The following ARPP21 variants were observed in gnomAD, a reference collection of about 807,000 sequenced individuals.
The protein encoded by ARPP21 is cAMP-regulated phosphoprotein 21.
A neutral mutation model predicts 113.2 loss-of-function variants in ARPP21; 69 were observed. The observed-to-expected ratio is 0.61, with a 90% CI of 0.50 to 0.74. ARPP21 has a LOEUF of 0.74. Ranked by LOEUF, ARPP21 falls within the 30% of genes least tolerant of loss-of-function variation. The pLI is 0.00. For missense variants in ARPP21, 1,070 were observed against 1,037.4 expected (o/e 1.03, Z -0.43); for synonymous variants, 368 against 375.5 (o/e 0.98, Z 0.23).
At chr3:35,708,053 G>A (rs905099846) in intron 10 of ARPP21, among the ~76,000 whole-genome samples, 3 of 151,980 alleles carry the variant, frequency 2.0e-5, no homozygotes, top group African/African-American at 7.3e-5. Context: ...CAGCCAGTAT[G>A]TGCATCTCTG....
chr3:35,729,244 T>C, intron 14 of ARPP21, 59 bp from the exon 15 acceptor site: 1 of 1,197,202 alleles, frequency 8.4e-7, no homozygotes, highest in Non-Finnish European at 1.2e-6. Flanking sequence ...TAGACTCAGA[T>C]TGGTGCTTTC....
rs147368744 is a variant in ARPP21 at position 35,762,526 on chromosome 3, T to C, written c.2137+18561T>C. 3.2e-4 allele frequency among the ~76,000 whole-genome samples: 49 copies of C among 152,200 alleles called. No homozygotes were observed. The East Asian group carries it at 8.9e-3, about 28-fold the overall frequency. On this transcript the variant is annotated intron_variant, in intron 19 of 20. Transcript: ENST00000684406. ...TTCTTTTATTACAATGATCTACTTA[T>C]TTCTGATAAATATTGGATTCATAGA...
intron 19 of ARPP21, among the ~76,000 whole-genome samples, chr3:35,764,980 T>A (rs1459090800): frequency 1.3e-5 from 2 of 152,246 alleles, no homozygotes; most frequent in East Asian, 3.9e-4. Flanking sequence ...AATGTGAAGT[T>A]ATAACATCAG....
intron 1 of ARPP21, among the ~76,000 whole-genome samples, chr3:35,652,812 T>TG (rs1383473589): frequency 6.6e-6 from 1 of 152,076 alleles, no homozygotes; most frequent in Non-Finnish European, 1.5e-5. Flanking sequence ...GGAGGAAATC[T>TG]GTACTTATTT....
Position 35,721,731 on chromosome 3 carries a change from A to G in ARPP21, c.1122A>G (p.Leu374=), listed in dbSNP as rs780517740. Residue 374 remains leucine, a synonymous_variant, in exon 14 of 21, where the codon CTA becomes CTG. Transcript: ENST00000684406. ...ACTCCGACAGTTCCAACCGCAATCT[A>G]AAGCCCGCCATGACCAAGACGGCGA... The part of the protein sequence containing the change: ...STDSDSSNRN[L]KPAMTKTASF... 1 of 1,613,936 alleles carries G rather than the reference A, an allele frequency of 6.2e-7. No individual in the cohort carries two copies. Among genetic ancestry groups the G allele is most frequent in the South Asian group, 1.1e-5 (1 of 91,032 alleles).
intron 19 of ARPP21, among the ~76,000 whole-genome samples, chr3:35,763,887 G>A (rs1309166142): frequency 6.6e-6 from 1 of 152,012 alleles, no homozygotes; most frequent in Non-Finnish European, 1.5e-5. Flanking sequence ...TTTCAGGCCG[G>A]GCATGGTAGC....
chr3:35,682,658 T>A (rs1373839186), intron 3 of ARPP21, among the ~76,000 whole-genome samples, 190 bp from the exon 4 acceptor site: 2 of 151,768 alleles, frequency 1.3e-5, no homozygotes, highest in Non-Finnish European at 2.9e-5. Context: ...GTCAAAAGTT[T>A]TTTAAAGCTA....
chr3:35,756,234 G>C (rs1283026465), intron 19 of ARPP21, among the ~76,000 whole-genome samples: 1 of 152,034 alleles, frequency 6.6e-6, no homozygotes, highest in African/African-American at 2.4e-5. Context: ...ACCTAGGAAG[G>C]CTACAATACT....
intron 19 of ARPP21, among the ~76,000 whole-genome samples, chr3:35,778,285 T>G (rs1220622939): frequency 6.6e-6 from 1 of 152,124 alleles, no homozygotes; most frequent in Admixed American, 6.6e-5. Flanking sequence ...TCTATCCATC[T>G]CTCCTGACCC....
At chr3:35,748,261 GGAGA>G in intron 19 of ARPP21, among the ~76,000 whole-genome samples, 1 of 123,480 alleles carries the variant, frequency 8.1e-6, no homozygotes, top group East Asian at 2.5e-4. Flanking sequence ...GAAAGAGAAA[GGAGA>G]GAGAGAAAGA....
intron 13 of ARPP21, among the ~76,000 whole-genome samples, chr3:35,720,688 A>G (rs1364476943): frequency 1.3e-5 from 2 of 152,216 alleles, no homozygotes; most frequent in Non-Finnish European, 2.9e-5. Context: ...CTTTAGACAG[A>G]TTGGAAACCA....
intron 19 of ARPP21, among the ~76,000 whole-genome samples, chr3:35,762,051 C>A (rs925169250): frequency 2.0e-5 from 3 of 151,460 alleles, no homozygotes; most frequent in Admixed American, 1.3e-4. Flanking sequence ...TATCCCTCAA[C>A]ACCAAGGTCA....
At chr3:35,647,546 G>T (rs372049364) in intron 1 of ARPP21, among the ~76,000 whole-genome samples, 2 of 152,244 alleles carry the variant, frequency 1.3e-5, no homozygotes, top group East Asian at 3.9e-4. Flanking sequence ...AGATTCTACA[G>T]GTTAGAGAAA....
chr3:35,729,689 C>G (rs547174456), intron 15 of ARPP21, 153 bp downstream of exon 15: 30 of 639,550 alleles, frequency 4.7e-5, no homozygotes, highest in African/African-American at 4.6e-4. Flanking sequence ...TTAGAAAGAG[C>G]AGATTTACAG....
At chr3:35,754,501 G>A (rs1422767902) in intron 19 of ARPP21, among the ~76,000 whole-genome samples, 3 of 151,858 alleles carry the variant, frequency 2.0e-5, no homozygotes, top group Admixed American at 2.0e-4. Context: ...GAAAATATTA[G>A]TTTGAAAAAA....
rs927616372 is a variant in ARPP21, at chr3:35,757,358, C to G, written c.2137+13393C>G. Among the ~76,000 whole-genome samples the G allele has an allele frequency of 2.0e-5, 3 of 152,154 alleles. No individual in the cohort carries two copies. In the East Asian group the frequency reaches 5.8e-4, roughly 29 times the overall value. On this transcript the variant is annotated intron_variant, in intron 19 of 20. Coordinates refer to ENST00000684406, the MANE Select transcript of ARPP21 (RefSeq NM_001385562.1). Reference sequence around the variant, plus strand: ...GGTTACAGGAGTGAGCCACCACACCCAGACCCCTTCAATGAATCTTGATGA... The same window carrying G: ...GGTTACAGGAGTGAGCCACCACACCGAGACCCCTTCAATGAATCTTGATGA...
chr3:35,665,710 C>T (rs1024475208), intron 1 of ARPP21, among the ~76,000 whole-genome samples: 2 of 152,150 alleles, frequency 1.3e-5, no homozygotes, highest in Admixed American at 1.3e-4. Context: ...TTCAAAAGCA[C>T]AGCTGCAGAT....
chr3:35,780,458 C>T (rs2096495685), intron 19 of ARPP21, among the ~76,000 whole-genome samples: 1 of 152,082 alleles, frequency 6.6e-6, no homozygotes, highest in Non-Finnish European at 1.5e-5. Flanking sequence ...ATTAGCCTAT[C>T]CTGACACCTT....
rs1041094187 is a variant in ARPP21 at position 35,698,005 on chromosome 3, A to T, written c.686+7000A>T. On this transcript the variant is annotated intron_variant, in intron 9 of 20. Coordinates refer to ENST00000684406, the MANE Select transcript of ARPP21 (RefSeq NM_001385562.1). ...GGTTGGTTGGCATCCTGTCATTTCT[A>T]AACATGGTAAATTTACTCTGCACTT... 9.2e-5 allele frequency among the ~76,000 whole-genome samples: 14 copies of T among 151,668 alleles called. No homozygotes were observed. In the South Asian group the frequency reaches 2.9e-3, roughly 31 times the overall value.
Sources: gnomAD v4.1 joint callset for allele counts (sites outside exome capture counted in the v4.1 genomes callset) on GRCh38, gnomAD v4.1.1 for gene constraint, MANE v1.5 for transcripts, NCBI Gene and HGNC (gene_info 2026-07-23, HGNC 2026-07-21) for gene names.